Variants in TMEM98 observed in about 807,000 individuals in gnomAD.
TMEM98 encodes transmembrane protein 98.
In TMEM98, 18 loss-of-function variants were observed where a neutral mutation model predicts 25.0. The ratio of observed to expected loss-of-function variants is 0.72; its 90% CI spans 0.50 to 1.07. The LOEUF is 1.07. Ranked by LOEUF, TMEM98 falls within the 50% of genes least tolerant of loss-of-function variation. TMEM98 has a pLI of 0.00. For missense variants in TMEM98, 241 were observed against 289.0 expected, an observed-to-expected ratio of 0.83 and a Z score of 1.20; for synonymous variants, 103 against 112.4, an observed-to-expected ratio of 0.92 and a Z score of 0.53.
At chr17:32,938,655 T>C (rs546021805) in intron 6 of TMEM98, among the ~76,000 whole-genome samples, 112 of 152,308 alleles carry the variant, frequency 7.4e-4, no homozygotes, top group African/African-American at 2.5e-3. Context: ...TACATACCTT[T>C]AGCTTTGTAT....
Position 32,940,948 on chromosome 17 carries a change from C to T in TMEM98, c.636C>T (p.Gly212=). The T allele has an allele frequency of 6.2e-7, 1 of 1,613,622 alleles. No individual in the cohort carries two copies. Among genetic ancestry groups the T allele is most frequent in the Non-Finnish European group, 8.5e-7 (1 of 1,179,930 alleles). ...CCCTAGCTTCTGAGCCAGATAAAGGCCTCCCAGGCCCTGAAGGCTTCCTGC... is the reference window on the plus strand; with the variant it reads ...CCCTAGCTTCTGAGCCAGATAAAGGTCTCCCAGGCCCTGAAGGCTTCCTGC... ...EAALASEPDK[G]LPGPEGFLQE... is the part of the protein sequence containing the mutation. Residue 212 remains glycine, a synonymous_variant, in exon 8 of 8, where the codon GGC becomes GGT. Coordinates refer to ENST00000579849, the MANE Select transcript of TMEM98 (RefSeq NM_015544.3).
chr17:32,929,499 A>G (rs2091454684), intron 1 of TMEM98, among the ~76,000 whole-genome samples: 1 of 152,174 alleles, frequency 6.6e-6, no homozygotes, highest in South Asian at 2.1e-4. Context: ...AGGCAGACAT[A>G]AGAGGAGGCA....
At chr17:32,937,281 G>T (rs2091502008) in intron 6 of TMEM98, among the ~76,000 whole-genome samples, 1 of 150,082 alleles carries the variant, frequency 6.7e-6, no homozygotes, top group South Asian at 2.3e-4. Flanking sequence ...ATGGCCCCAG[G>T]TAAATCACGA....
chr17:32,928,893 C>T (rs2091448491), intron 1 of TMEM98, among the ~76,000 whole-genome samples: 1 of 146,842 alleles, frequency 6.8e-6, no homozygotes, highest in Non-Finnish European at 1.5e-5. Flanking sequence ...GAAACACACG[C>T]ACTCAGAGGC....
chr17:32,929,086 A>G (rs2091450916), intron 1 of TMEM98, among the ~76,000 whole-genome samples: 1 of 151,760 alleles, frequency 6.6e-6, no homozygotes, highest in African/African-American at 2.4e-5. Context: ...TGAGAAACAC[A>G]ATCAGCTCAC....
Position 32,931,556 on chromosome 17 carries a change from G to T in TMEM98, c.28G>T (p.Gly10Cys). METVVIVAI[G>C]VLATIFLASF... The stretch of plus-strand genomic sequence containing the variant: ...GGAGACTGTGGTGATTGTTGCCATA[G>T]GTGTGCTGGCCACCATCTTTCTGGC... Residue 10 changes from glycine to cysteine, a missense_variant, in exon 3 of 8, where the codon GGT becomes TGT. Transcript: ENST00000579849. 1.2e-6 allele frequency: 2 copies of T among 1,605,304 alleles called. No individual in the cohort carries two copies. The highest frequency in any genetic ancestry group is 1.7e-6 in the Non-Finnish European group (2 of 1,176,280).
At position 32,933,258 on chromosome 17, in the gene TMEM98, C is replaced by T. The variant is rs765287943; in HGVS notation, c.216C>T (p.Pro72=). Residue 72 remains proline (P), a synonymous_variant, in exon 4 of 8, where the codon CCC becomes CCT. Transcript: ENST00000579849. The part of the protein sequence containing the change: ...LELDDVVITN[P]HIEAILENED... ...TGGACGATGTCGTTATCACCAACCCCCACATTGAGGCCATTCTGGAGAATG... is the reference window on the plus strand; with the variant it reads ...TGGACGATGTCGTTATCACCAACCCTCACATTGAGGCCATTCTGGAGAATG... 2.5e-6 allele frequency: 4 copies of T among 1,614,050 alleles called. No individual in the cohort carries two copies. In the Admixed American group the frequency reaches 5.0e-5, roughly 20 times the overall value.
chr17:32,939,434 G>T, intron 6 of TMEM98, 43 bp from the exon 7 acceptor site: 1 of 1,468,516 alleles, frequency 6.8e-7, no homozygotes, highest in Non-Finnish European at 9.4e-7. Flanking sequence ...GAGAAAAGGA[G>T]ATCAGGAAAG....
At chr17:32,935,986 C>G (rs1477369246) in intron 5 of TMEM98, among the ~76,000 whole-genome samples, 1 of 152,084 alleles carries the variant, frequency 6.6e-6, no homozygotes, top group African/African-American at 2.4e-5. Flanking sequence ...GAAGACTAAA[C>G]CATGAGATGA....
intron 5 of TMEM98, 137 bp from the exon 6 acceptor site, chr17:32,936,195 G>C (rs2091495121): frequency 1.5e-6 from 1 of 671,298 alleles, no homozygotes; most frequent in Non-Finnish European, 2.6e-6. Flanking sequence ...TCTCATCTCT[G>C]TACTTTTCAC....
At chr17:32,935,672 C>G (rs1233164433) in intron 5 of TMEM98, among the ~76,000 whole-genome samples, 1 of 152,080 alleles carries the variant, frequency 6.6e-6, no homozygotes, top group Non-Finnish European at 1.5e-5. Flanking sequence ...AGGGGTGCTT[C>G]CTTGCCATGG....
chr17:32,931,677 G>C lies in TMEM98; in HGVS notation c.131+18G>C. The C allele has an allele frequency of 6.2e-7, 1 of 1,602,144 alleles. No individual in the cohort carries two copies. Among genetic ancestry groups the C allele is most frequent in the South Asian group, 1.1e-5 (1 of 88,298 alleles). On this transcript the variant is annotated intron_variant, in intron 3 of 7. Transcript: ENST00000579849. ...GATTCTAAGTGAGTGAGCCTATGGA[G>C]GGCAAGGAGGAGGGGTGGGCTCTAA...
In TMEM98 at chr17:32,942,160, C is replaced by T. The variant is rs1461036352; in HGVS notation, c.*1167C>T. On this transcript the variant is annotated 3_prime_UTR_variant, in exon 8 of 8. Transcript: ENST00000579849. The stretch of plus-strand genomic sequence containing the variant: ...TAGCAATGACTTGAACGATGTGTTC[C>T]CCCTTTCTTCTGATATTAATATCTG... 2 of 152,118 alleles carry T rather than the reference C, an allele frequency of 1.3e-5. No individual in the cohort carries two copies. Among genetic ancestry groups the T allele is most frequent in the African/African-American group, 4.8e-5 (2 of 41,412 alleles). 9.4% of individuals were successfully genotyped at this position (152,118 alleles called of 1,614,324 possible). A position where few individuals can be genotyped will look rare whatever the true frequency, so the allele number is the denominator to read the frequency against.
rs770107897 is a variant in TMEM98 at position 32,928,878 on chromosome 17, ACT to A, written c.-131+643_-131+644del. ...ACTCAGAAACATTCAGTTCACACACACTCAGAAACACACGCACTCAGAGGCAC... is the reference window on the plus strand; with the variant it reads ...ACTCAGAAACATTCAGTTCACACACACAGAAACACACGCACTCAGAGGCAC... On this transcript the variant is annotated intron_variant, in intron 1 of 7. Coordinates refer to ENST00000579849, the MANE Select transcript of TMEM98 (RefSeq NM_015544.3). Among the ~76,000 whole-genome samples, 13 of 147,298 alleles carry A rather than the reference ACT, an allele frequency of 8.8e-5. No homozygotes were observed. In the East Asian group the frequency reaches 9.8e-4, roughly 11 times the overall value.
At chr17:32,940,047 A>C (rs1266125961) in intron 7 of TMEM98, among the ~76,000 whole-genome samples, 1 of 152,174 alleles carries the variant, frequency 6.6e-6, no homozygotes, top group African/African-American at 2.4e-5. Context: ...CCATTTAAGA[A>C]ATATAGATTC....
At chr17:32,933,427 C>G (rs1298877783) in intron 4 of TMEM98, 122 bp downstream of exon 4, 1 of 1,376,690 alleles carries the variant, frequency 7.3e-7, no homozygotes, top group Non-Finnish European at 1.0e-6. Flanking sequence ...CTGCTCTTTC[C>G]TGTGCCTTTA....
intron 5 of TMEM98, among the ~76,000 whole-genome samples, chr17:32,935,605 G>T (rs981503202): frequency 6.6e-6 from 1 of 152,198 alleles, no homozygotes; most frequent in East Asian, 1.9e-4. Flanking sequence ...TAACTCCCAG[G>T]TGGACCTTTG....
In TMEM98 at chr17:32,941,168, A is replaced by G; in HGVS notation, c.*175A>G. ...AGTTTATGCCTCTTTTGCAGTTGCA[A>G]ACTGTGGCTGGTGAGTGGCAGTCTA... On this transcript the variant is annotated 3_prime_UTR_variant, in exon 8 of 8. Transcript: ENST00000579849. 1.7e-6 allele frequency: 1 copy of G among 591,002 alleles called. No individual in the cohort carries two copies. Among genetic ancestry groups the G allele is most frequent in the Non-Finnish European group, 2.9e-6 (1 of 342,352 alleles). The allele number at this position is 591,002 out of a possible 1,614,324, so 36.6% of individuals were successfully genotyped here.
At chr17:32,933,665 A>G (rs1337437547) in intron 4 of TMEM98, among the ~76,000 whole-genome samples, 2 of 152,212 alleles carry the variant, frequency 1.3e-5, no homozygotes, top group Non-Finnish European at 2.9e-5. Context: ...AGGAGCCCCT[A>G]CATTTTGAGA....
Sources: gnomAD v4.1 joint callset for allele counts (sites outside exome capture counted in the v4.1 genomes callset) on GRCh38, gnomAD v4.1.1 for gene constraint, MANE v1.5 for transcripts, NCBI Gene and HGNC (gene_info 2026-07-23, HGNC 2026-07-21) for gene names.